Variants in HPGDS observed in about 807,000 individuals in gnomAD.
HPGDS encodes hematopoietic prostaglandin D synthase.
HPGDS carries 26 observed loss-of-function variants against 23.1 expected under a neutral mutation model. The ratio of observed to expected loss-of-function variants is 1.13; its 90% CI spans 0.83 to 1.56. The LOEUF is 1.56. HPGDS is among the 40% of genes most tolerant of loss of function. HPGDS has a pLI of 0.00. For missense variants in HPGDS, 268 were observed against 236.4 expected (o/e 1.13, Z -0.88); for synonymous variants, 95 against 77.9 (o/e 1.22, Z -1.16).
chr4:94,324,730 T>C (rs1756594419), intron 2 of HPGDS, among the ~76,000 whole-genome samples: 1 of 152,114 alleles, frequency 6.6e-6, no homozygotes, highest in Admixed American at 6.6e-5. Flanking sequence ...GAGAAGTTTG[T>C]TACTACCGAC....
At position 94,333,113 on chromosome 4, in the gene HPGDS, A is replaced by G. The variant is rs373604517; in HGVS notation, c.133+1384T>C. ...CTGGAGATTTTCTAGGTTCTAGCAG[A>G]GGGAGTGTCGTAGCAGGTTTCAAGC... On this transcript the variant is annotated intron_variant, in intron 2 of 5. Coordinates refer to ENST00000295256, the MANE Select transcript of HPGDS (RefSeq NM_014485.3). 6.6e-5 allele frequency among the ~76,000 whole-genome samples: 10 copies of G among 152,322 alleles called. No homozygotes were observed. The East Asian group carries it at 9.6e-4, about 15-fold the overall frequency.
intron 4 of HPGDS, chr4:94,303,945 C>A (rs1459393616): frequency 1.3e-5 from 2 of 152,040 alleles, no homozygotes; most frequent in Non-Finnish European, 2.9e-5. Flanking sequence ...AATTAATAAA[C>A]AGTGTAATTA....
chr4:94,302,396 G>A, intron 4 of HPGDS, 152 bp from the exon 5 acceptor site: 1 of 581,550 alleles, frequency 1.7e-6, no homozygotes, highest in Non-Finnish European at 3.1e-6. Context: ...ATGACATGGA[G>A]ATTTAGGTCT....
Position 94,312,369 on chromosome 4 carries a change from G to A in HPGDS, c.227-3626C>T, listed in dbSNP as rs190476203. ...GTTCTCATTGGTTTCAAAGAACATC[G>A]TTATTTCTGCCTTCATTTCGTTATG... On this transcript the variant is annotated intron_variant, in intron 3 of 5. Coordinates refer to ENST00000295256, the MANE Select transcript of HPGDS (RefSeq NM_014485.3). 1.4e-4 allele frequency among the ~76,000 whole-genome samples: 22 copies of A among 152,142 alleles called. No individual in the cohort carries two copies. The South Asian group carries it at 1.9e-3, about 13-fold the overall frequency.
intron 2 of HPGDS, among the ~76,000 whole-genome samples, chr4:94,321,932 C>T (rs555400627): frequency 4.5e-3 from 689 of 151,774 alleles, no homozygotes; most frequent in African/African-American, 0.016. Flanking sequence ...TTTTGAGATA[C>T]ATCCCATCAA....
chr4:94,317,789 T>G, intron 3 of HPGDS, 84 bp downstream of exon 3: 1 of 785,984 alleles, frequency 1.3e-6, no homozygotes, highest in East Asian at 2.7e-5. Context: ...TAGTATGCTA[T>G]GCTAAAGTCA....
intron 3 of HPGDS, among the ~76,000 whole-genome samples, chr4:94,315,166 T>A (rs1437592064): frequency 7.6e-5 from 5 of 65,636 alleles, no homozygotes; most frequent in Non-Finnish European, 1.4e-4. Context: ...TGTCTGACAA[T>A]CCCCAGTGAG....
rs914951409 is a variant in HPGDS, at chr4:94,339,280, T to A, written c.-10+3515A>T. ...TTCCACTGTCGTTGTGTTAAGAATC[T>A]CATGTAGAGAAAACTGCATGTTTCC... On this transcript the variant is annotated intron_variant, in intron 1 of 5. Transcript: ENST00000295256. 3.3e-5 allele frequency among the ~76,000 whole-genome samples: 5 copies of A among 152,310 alleles called. No individual in the cohort carries two copies. In the East Asian group the frequency reaches 7.7e-4, roughly 23 times the overall value.
At chr4:94,340,305 C>CTTTTTTTTTTTTT in intron 1 of HPGDS, among the ~76,000 whole-genome samples, 1 of 26,200 alleles carries the variant, frequency 3.8e-5, no homozygotes, top group Admixed American at 6.2e-4. Flanking sequence ...TTCTTTCTTT[C>CTTTTTTTTTTTTT]TTTCTCTTTT....
chr4:94,330,215 C>A (rs2126044654), intron 2 of HPGDS, among the ~76,000 whole-genome samples: 1 of 152,222 alleles, frequency 6.6e-6, no homozygotes, highest in East Asian at 1.9e-4. Context: ...ACAGATGGTC[C>A]AGGGAAGAAT....
intron 5 of HPGDS, 86 bp from the exon 6 acceptor site, chr4:94,299,730 T>A: frequency 8.1e-7 from 1 of 1,234,772 alleles, no homozygotes; most frequent in Non-Finnish European, 1.1e-6. Flanking sequence ...TTTCTTAATC[T>A]AAAAGATTCA....
chr4:94,322,205 G>C (rs1459911632), intron 2 of HPGDS, among the ~76,000 whole-genome samples: 1 of 137,044 alleles, frequency 7.3e-6, no homozygotes, highest in Non-Finnish European at 1.6e-5. Context: ...TGTTCATCAG[G>C]GATATTGGTC....
At chr4:94,324,836 G>T (rs1461224875) in intron 2 of HPGDS, among the ~76,000 whole-genome samples, 1 of 152,168 alleles carries the variant, frequency 6.6e-6, no homozygotes, top group Admixed American at 6.5e-5. Flanking sequence ...ACAAGAAGGG[G>T]TGTTCTGATT....
At chr4:94,308,543 T>G (rs1051996837) in intron 4 of HPGDS, 91 bp downstream of exon 4, 2 of 613,274 alleles carry the variant, frequency 3.3e-6, no homozygotes, top group Admixed American at 5.3e-5. Flanking sequence ...TACATATTCT[T>G]TTGATATTAA....
chr4:94,330,946 A>G (rs1336410371), intron 2 of HPGDS, among the ~76,000 whole-genome samples: 5 of 152,206 alleles, frequency 3.3e-5, no homozygotes, highest in Admixed American at 6.5e-5. Context: ...CAGAGCCTCC[A>G]GGGGAGGCCT....
At chr4:94,338,845 C>A (rs190814249) in intron 1 of HPGDS, among the ~76,000 whole-genome samples, 1 of 152,020 alleles carries the variant, frequency 6.6e-6, no homozygotes, top group African/African-American at 2.4e-5. Context: ...ATTTAAACTT[C>A]GAGAGATTCT....
intron 2 of HPGDS, among the ~76,000 whole-genome samples, chr4:94,320,281 A>G (rs936428183): frequency 1.3e-5 from 2 of 152,198 alleles, no homozygotes; most frequent in Admixed American, 6.5e-5. Context: ...ATGCCCAGTA[A>G]TGGGATCACT....
intron 2 of HPGDS, among the ~76,000 whole-genome samples, chr4:94,326,523 A>G (rs1317238689): frequency 6.6e-6 from 1 of 152,022 alleles, no homozygotes; most frequent in Non-Finnish European, 1.5e-5. Flanking sequence ...TTTAAATTTC[A>G]TTCATTGAAT....
intron 5 of HPGDS, among the ~76,000 whole-genome samples, chr4:94,300,789 G>C (rs1442947625): frequency 6.6e-6 from 1 of 152,038 alleles, no homozygotes; most frequent in East Asian, 1.9e-4. Flanking sequence ...TTTAAGAGGT[G>C]ACACGTAAGC....
Sources: gnomAD v4.1 joint callset for allele counts (sites outside exome capture counted in the v4.1 genomes callset) on GRCh38, gnomAD v4.1.1 for gene constraint, MANE v1.5 for transcripts, NCBI Gene and HGNC (gene_info 2026-07-23, HGNC 2026-07-21) for gene names.